The following FREM3 variants were observed in gnomAD, a reference collection of about 807,000 sequenced individuals.
The protein encoded by FREM3 is FRAS1-related extracellular matrix protein 3.
A neutral mutation model predicts 129.1 loss-of-function variants in FREM3; 105 were observed. The observed-to-expected ratio is 0.81, with a 90% confidence interval of 0.69 to 0.96. The LOEUF is 0.96. Ranked by LOEUF, FREM3 falls within the 40% of genes least tolerant of loss-of-function variation. The pLI is 0.00. For synonymous variants in FREM3, 1,014 were observed against 1,044.9 expected (o/e 0.97, Z 0.57); for missense variants, 2,593 against 2,666.3 (o/e 0.97, Z 0.61).
intron 3 of FREM3, among the ~76,000 whole-genome samples, chr4:143,626,319 T>C (rs1470088410): frequency 2.0e-5 from 3 of 152,072 alleles, no homozygotes; most frequent in African/African-American, 4.8e-5. Flanking sequence ...GGAAGACAAA[T>C]AGACACATGA....
chr4:143,664,136 A>C (rs891000670), intron 2 of FREM3, among the ~76,000 whole-genome samples: 2 of 152,118 alleles, frequency 1.3e-5, no homozygotes, highest in Non-Finnish European at 2.9e-5. Context: ...GAGGAACTGC[A>C]TTCCTTTGGA....
At chr4:143,637,884 G>C (rs1458096909) in intron 2 of FREM3, among the ~76,000 whole-genome samples, 1 of 152,160 alleles carries the variant, frequency 6.6e-6, no homozygotes, top group East Asian at 1.9e-4. Context: ...GGTGGAGGGA[G>C]AGGTCTTTGT....
intron 6 of FREM3, among the ~76,000 whole-genome samples, chr4:143,589,100 T>C (rs1368986486): frequency 2.0e-5 from 3 of 152,202 alleles, no homozygotes; most frequent in Non-Finnish European, 4.4e-5. Flanking sequence ...TGTTTTTTTC[T>C]TGTAAATTTG....
Position 143,579,045 on chromosome 4 carries a change from T to C in FREM3, c.6179-1193A>G, listed in dbSNP as rs1738088564. On this transcript the variant is annotated intron_variant, in intron 7 of 7. Transcript: ENST00000329798. Reference sequence around the variant, plus strand: ...AGTTTTTGGAGACATGGTTCCAAACTTAAACTCAAGAGTTGACAAAAAAAA... The same window carrying C: ...AGTTTTTGGAGACATGGTTCCAAACCTAAACTCAAGAGTTGACAAAAAAAA... 1.4e-5 allele frequency among the ~76,000 whole-genome samples: 2 copies of C among 145,860 alleles called. 1 individual carries two copies. The highest frequency in any genetic ancestry group is 5.6e-5 in the African/African-American group (2 of 35,882).
intron 6 of FREM3, among the ~76,000 whole-genome samples, chr4:143,597,019 T>C (rs1738495829): frequency 6.6e-6 from 1 of 152,102 alleles, no homozygotes; most frequent in Non-Finnish European, 1.5e-5. Context: ...CTATATTAGA[T>C]GGTATGATCG....
chr4:143,579,826 A>G (rs544493487), intron 7 of FREM3, among the ~76,000 whole-genome samples: 1 of 152,354 alleles, frequency 6.6e-6, no homozygotes, highest in Non-Finnish European at 1.5e-5. Flanking sequence ...ACTAGGTTCA[A>G]TAGATTATCA....
At chr4:143,596,756 G>A (rs1374913555) in intron 6 of FREM3, among the ~76,000 whole-genome samples, 6 of 146,584 alleles carry the variant, frequency 4.1e-5, no homozygotes, top group Admixed American at 1.4e-4. Context: ...AAAACATAGC[G>A]AGATCCCATC....
chr4:143,696,391 C>T lies in FREM3; in HGVS notation c.4285G>A (p.Val1429Ile). 6.5e-7 allele frequency: 1 copy of T among 1,537,424 alleles called. No homozygotes were observed. The highest frequency in any genetic ancestry group is 8.7e-7 in the Non-Finnish European group (1 of 1,146,948). ...ATCAAGGTGATCCTTTTGCTGATTA[C>T]CTCAGGGAAGACGCTGTCTAAGTTG... ...IGNLDSVFPEVISKRITLIEG... is the reference protein window; with the variant it reads ...IGNLDSVFPEIISKRITLIEG... The change falls in exon 1 of 8, where the codon GTA becomes ATA. Residue 1429 changes from valine (V) to isoleucine (I), a missense_variant. Transcript: ENST00000329798.
chr4:143,700,516 C>A lies in FREM3; in HGVS notation c.160G>T (p.Gly54Cys). ...ACGCTGGGGCCGTCGGGGCGAGTGC[C>A]GTCAAGCGCACCCCGGGCGGGCAGG... ...LYLPARGALD[G>C]TRPDGPSVLI... Residue 54 changes from glycine (G) to cysteine (C), a missense_variant, in exon 1 of 8, where the codon GGC becomes TGC. Gly to Cys is a radical substitution (Grantham distance 159). Around this residue, in one of 2 missense-constraint regions of FREM3, gnomAD observed 2,276 missense variants for 2,267.2 expected, o/e 1.00. Transcript: ENST00000329798. The A allele has an allele frequency of 2.0e-6, 3 of 1,518,084 alleles. No individual in the cohort carries two copies. Among genetic ancestry groups the A allele is most frequent in the Non-Finnish European group, 2.6e-6 (3 of 1,136,014 alleles). The allele number at this position is 1,518,084 out of a possible 1,614,324, so 94.0% of individuals were successfully genotyped here.
intron 6 of FREM3, among the ~76,000 whole-genome samples, chr4:143,591,498 C>G (rs981719190): frequency 7.9e-5 from 12 of 152,226 alleles, no homozygotes; most frequent in African/African-American, 2.9e-4. Flanking sequence ...TCGTTATGTA[C>G]CCAGTAGTCA....
intron 2 of FREM3, among the ~76,000 whole-genome samples, chr4:143,689,056 T>C (rs1478770655): frequency 6.6e-6 from 1 of 152,112 alleles, no homozygotes; most frequent in African/African-American, 2.4e-5. Context: ...AGCTTTTGCA[T>C]GGCAAAAGGA....
At chr4:143,634,358 G>A (rs1257318274) in intron 2 of FREM3, among the ~76,000 whole-genome samples, 1 of 152,072 alleles carries the variant, frequency 6.6e-6, no homozygotes, top group Non-Finnish European at 1.5e-5. Flanking sequence ...ATTTTGTTAG[G>A]CATTACTCTC....
rs544318008 is a variant in FREM3 at position 143,638,879 on chromosome 4, C to T, written c.5276-11119G>A. 9.9e-5 allele frequency among the ~76,000 whole-genome samples: 15 copies of T among 152,222 alleles called. No individual in the cohort carries two copies. In the East Asian group the frequency reaches 2.9e-3, roughly 29 times the overall value. On this transcript the variant is annotated intron_variant, in intron 2 of 7. Transcript: ENST00000329798. ...CAGCATCACAGAGAGCTCATGACTG[C>T]CCAGGTGAGTGCCACACCCAAGTAC...
intron 6 of FREM3, among the ~76,000 whole-genome samples, chr4:143,607,655 C>T (rs1042263707): frequency 1.3e-5 from 2 of 152,126 alleles, no homozygotes; most frequent in African/African-American, 4.8e-5. Context: ...TTCTTAAAGA[C>T]AAGAAGAGAT....
At position 143,698,458 on chromosome 4, in the gene FREM3, G is replaced by A. The variant is rs1578876428; in HGVS notation, c.2218C>T (p.Leu740=). ...YIDQDSDDQN[L]WYTLLTLPTD... The stretch of plus-strand genomic sequence containing the variant: ...GGGAGTGTCAGTAGGGTGTACCATA[G>A]GTTCTGGTCATCAGAGTCCTGGTCA... The change falls in exon 1 of 8, where the codon CTA becomes TTA. Residue 740 remains leucine (L), a synonymous_variant. Transcript: ENST00000329798. 3 of 1,537,750 alleles carry A rather than the reference G, an allele frequency of 2.0e-6. No individual in the cohort carries two copies. The highest frequency in any genetic ancestry group is 2.0e-5 in the Admixed American group (1 of 50,992).
intron 2 of FREM3, among the ~76,000 whole-genome samples, chr4:143,676,370 T>A (rs535599641): frequency 3.3e-5 from 5 of 152,122 alleles, no homozygotes; most frequent in African/African-American, 1.2e-4. Context: ...CTCAGTAAAT[T>A]AGGTATTGTT....
At chr4:143,687,147 A>G (rs546646510) in intron 2 of FREM3, among the ~76,000 whole-genome samples, 66 of 152,290 alleles carry the variant, frequency 4.3e-4, no homozygotes, top group Middle Eastern at 3.4e-3. Flanking sequence ...TAACCTCACT[A>G]AGAAACAAAA....
intron 2 of FREM3, among the ~76,000 whole-genome samples, chr4:143,677,592 C>T (rs1009291089): frequency 1.3e-5 from 2 of 152,202 alleles, no homozygotes; most frequent in Non-Finnish European, 2.9e-5. Flanking sequence ...AAACTACCGT[C>T]AGAGTGAACA....
Position 143,696,674 on chromosome 4 carries a change from A to G in FREM3, c.4002T>C (p.Asp1334=), listed in dbSNP as rs762494674. ...IITNRILKAT[D]LDSDDKSLSF... ...TGAGGCTTTTATCATCTGAGTCAAG[A>G]TCTGTGGCCTTGAGGATCCGATTTG... is the stretch of plus-strand genomic sequence containing the variant. The change falls in exon 1 of 8, where the codon GAT becomes GAC. Residue 1334 remains aspartate (D), a synonymous_variant. Transcript: ENST00000329798. The G allele has an allele frequency of 3.7e-5, 57 of 1,537,666 alleles. No individual in the cohort carries two copies. Among genetic ancestry groups the G allele is most frequent in the Non-Finnish European group, 5.0e-5 (57 of 1,147,044 alleles).
Sources: gnomAD v4.1 joint callset for allele counts (sites outside exome capture counted in the v4.1 genomes callset) on GRCh38, gnomAD v4.1.1 for gene constraint, gnomAD v4.1.1 regional missense constraint, MANE v1.5 for transcripts, NCBI Gene and HGNC (gene_info 2026-07-23, HGNC 2026-07-21) for gene names.